CNBD1: variants seen among roughly 807,000 people sequenced by gnomAD.
CNBD1 encodes the protein cyclic nucleotide-binding domain-containing protein 1.
In CNBD1, 71 loss-of-function variants were observed where a neutral mutation model predicts 54.4. The observed-to-expected ratio is 1.30, with a 90% CI of 1.08 to 1.59. The LOEUF (loss-of-function observed/expected upper bound fraction) is 1.59. Among genes scored for constraint, CNBD1 ranks in the 40% most tolerant of loss-of-function variants. The probability of loss-of-function intolerance (pLI) is 0.00; values close to 1 mark genes in which losing one functional copy is unlikely to be tolerated. For missense variants in CNBD1, 659 were observed against 518.0 expected, an observed-to-expected ratio of 1.27 and a Z score of -2.64; for synonymous variants, 182 against 170.7, an observed-to-expected ratio of 1.07 and a Z score of -0.51.
At chr8:87,073,268 T>A (rs1453151016) in intron 4 of CNBD1, among the ~76,000 whole-genome samples, 1 of 152,008 alleles carries the variant, frequency 6.6e-6, no homozygotes, top group Non-Finnish European at 1.5e-5. Flanking sequence ...CTCAGTAAAG[T>A]TTGTTATTAC....
intron 4 of CNBD1, among the ~76,000 whole-genome samples, chr8:86,954,957 A>T (rs527652794): frequency 4.7e-5 from 7 of 150,058 alleles, no homozygotes; most frequent in Middle Eastern, 6.8e-3. Context: ...TACATTAGGT[A>T]TATCTCCTAA....
chr8:87,019,135 G>A (rs1468012365), intron 4 of CNBD1, among the ~76,000 whole-genome samples: 2 of 152,076 alleles, frequency 1.3e-5, no homozygotes, highest in Non-Finnish European at 2.9e-5. Flanking sequence ...ATTGCTGTAA[G>A]TCTGTAACAA....
At chr8:87,351,650 G>A in intron 8 of CNBD1, 35 bp from the exon 9 acceptor site, 1 of 1,438,702 alleles carries the variant, frequency 7.0e-7, no homozygotes, top group South Asian at 1.5e-5. Flanking sequence ...TTAAAGACAA[G>A]AATGTGTGAA....
intron 4 of CNBD1, among the ~76,000 whole-genome samples, chr8:87,161,024 A>T (rs1226801602): frequency 6.6e-6 from 1 of 152,100 alleles, no homozygotes; most frequent in Non-Finnish European, 1.5e-5. Context: ...TGTTATCATC[A>T]TCATCATCAT....
At chr8:86,907,588 A>C (rs1809036565) in intron 3 of CNBD1, among the ~76,000 whole-genome samples, 1 of 152,052 alleles carries the variant, frequency 6.6e-6, no homozygotes. Flanking sequence ...GAATCACTTG[A>C]ACCCAGGAGG....
At chr8:87,003,599 A>G (rs1809036697) in intron 4 of CNBD1, among the ~76,000 whole-genome samples, 1 of 152,244 alleles carries the variant, frequency 6.6e-6, no homozygotes, top group Non-Finnish European at 1.5e-5. Flanking sequence ...TATCAAGAAA[A>G]GATAAATCCC....
intron 4 of CNBD1, among the ~76,000 whole-genome samples, chr8:87,124,121 C>A (rs1221933767): frequency 6.6e-6 from 1 of 151,672 alleles, no homozygotes; most frequent in South Asian, 2.1e-4. Context: ...CTTCTAAATT[C>A]TTTTTATGAG....
chr8:87,232,770 G>A (rs1294496517), intron 5 of CNBD1, among the ~76,000 whole-genome samples: 1 of 152,004 alleles, frequency 6.6e-6, no homozygotes, highest in East Asian at 1.9e-4. Context: ...TAAAGATAAT[G>A]GTTTCAGGGA....
At chr8:87,176,083 G>A (rs1466496996) in intron 4 of CNBD1, among the ~76,000 whole-genome samples, 1 of 152,232 alleles carries the variant, frequency 6.6e-6, no homozygotes. Flanking sequence ...CGCTGCAGGG[G>A]CAGGGTGGGT....
At chr8:87,033,519 T>C (rs1219075986) in intron 4 of CNBD1, among the ~76,000 whole-genome samples, 1 of 152,210 alleles carries the variant, frequency 6.6e-6, no homozygotes, top group Non-Finnish European at 1.5e-5. Context: ...GTTTATCTTT[T>C]CCCCTCAGGG....
intron 6 of CNBD1, among the ~76,000 whole-genome samples, chr8:87,261,335 C>T (rs568442105): frequency 1.6e-4 from 24 of 151,954 alleles, no homozygotes; most frequent in Non-Finnish European, 2.9e-4. Context: ...GTTCAGTGCT[C>T]CTGGGGGTTG....
chr8:87,411,708 T>G (rs2130985548), intron 2 of CNBD1, among the ~76,000 whole-genome samples: 2 of 151,384 alleles, frequency 1.3e-5, no homozygotes, highest in South Asian at 2.1e-4. Flanking sequence ...CACCCATTGA[T>G]GTTTTGTAAA....
At chr8:87,079,255 A>G (rs1810938673) in intron 4 of CNBD1, among the ~76,000 whole-genome samples, 1 of 151,846 alleles carries the variant, frequency 6.6e-6, no homozygotes, top group Non-Finnish European at 1.5e-5. Flanking sequence ...TTCATTGTGC[A>G]TTTGGGTTGA....
intron 6 of CNBD1, among the ~76,000 whole-genome samples, chr8:87,239,515 A>C (rs1215761749): frequency 1.3e-5 from 2 of 152,174 alleles, no homozygotes; most frequent in Non-Finnish European, 2.9e-5. Flanking sequence ...TTATAAAAAA[A>C]CATTATTTGC....
chr8:87,113,874 G>T (rs905318402), intron 4 of CNBD1, among the ~76,000 whole-genome samples: 1 of 151,516 alleles, frequency 6.6e-6, no homozygotes, highest in Non-Finnish European at 1.5e-5. Flanking sequence ...AGCCGAGATC[G>T]CGCCACTGTA....
chr8:87,323,509 G>T (rs1809590867), intron 8 of CNBD1, among the ~76,000 whole-genome samples: 5 of 121,442 alleles, frequency 4.1e-5, no homozygotes, highest in African/African-American at 1.5e-4. Flanking sequence ...TCTTGAAGAG[G>T]TCCTTCACAT....
intron 4 of CNBD1, among the ~76,000 whole-genome samples, chr8:87,131,441 T>C (rs964854943): frequency 3.9e-5 from 6 of 152,198 alleles, no homozygotes; most frequent in Admixed American, 3.3e-4. Context: ...ATCATATAGG[T>C]CATTTTTTCT....
intron 8 of CNBD1, among the ~76,000 whole-genome samples, chr8:87,343,178 G>A (rs960723035): frequency 2.6e-5 from 4 of 152,120 alleles, no homozygotes; most frequent in African/African-American, 7.2e-5. Flanking sequence ...AGACCTTATG[G>A]TTATCTTTCC....
intron 1 of CNBD1, among the ~76,000 whole-genome samples, chr8:86,867,692 T>C (rs1808384469): frequency 6.6e-6 from 1 of 152,208 alleles, no homozygotes; most frequent in South Asian, 2.1e-4. Context: ...GAAACACAGC[T>C]TCTACTATTC....
Sources: allele counts gnomAD v4.1 joint callset (sites outside exome capture counted in the v4.1 genomes callset), GRCh38; gene constraint gnomAD v4.1.1; transcripts MANE v1.5; gene names NCBI Gene and HGNC (gene_info 2026-07-23, HGNC 2026-07-21).